CNTNAP5: variants seen among roughly 807,000 people sequenced by gnomAD.
CNTNAP5 encodes the protein contactin-associated protein-like 5.
CNTNAP5 carries 72 observed loss-of-function variants against 150.2 expected under a neutral mutation model. The observed-to-expected ratio is 0.48, with a 90% CI of 0.40 to 0.58. The LOEUF (loss-of-function observed/expected upper bound fraction) is 0.58. CNTNAP5 is among the 20% of genes least tolerant of loss of function. The pLI is 0.00. For synonymous variants in CNTNAP5, 672 were observed against 619.8 expected (o/e 1.08, Z -1.25); for missense variants, 1,636 against 1,626.2 (o/e 1.01, Z -0.10).
intron 3 of CNTNAP5, among the ~76,000 whole-genome samples, chr2:124,277,929 C>T (rs1573885994): frequency 6.6e-6 from 1 of 152,100 alleles, no homozygotes; most frequent in East Asian, 1.9e-4. Context: ...CCATAACTGC[C>T]CTTGTTACCT....
At chr2:124,422,501 G>A (rs1012702383) in intron 4 of CNTNAP5, among the ~76,000 whole-genome samples, 5 of 152,144 alleles carry the variant, frequency 3.3e-5, no homozygotes, top group African/African-American at 1.2e-4. Context: ...TCAGTTAACT[G>A]CGTGATTGTC....
At chr2:124,789,259 T>C (rs1054007665) in intron 17 of CNTNAP5, among the ~76,000 whole-genome samples, 4 of 152,186 alleles carry the variant, frequency 2.6e-5, no homozygotes, top group African/African-American at 9.6e-5. Flanking sequence ...AGAACTTTTT[T>C]TTTCACAAGA....
At chr2:124,122,732 C>T (rs952897699) in intron 1 of CNTNAP5, among the ~76,000 whole-genome samples, 1 of 149,776 alleles carries the variant, frequency 6.7e-6, no homozygotes, top group African/African-American at 2.5e-5. Context: ...TTTACAGATG[C>T]AAAACCAAAC....
chr2:124,240,322 G>T (rs1686853530), intron 2 of CNTNAP5, among the ~76,000 whole-genome samples: 1 of 152,102 alleles, frequency 6.6e-6, no homozygotes, highest in South Asian at 2.1e-4. Context: ...AGATCTTGTT[G>T]TCAGCTGCAT....
At chr2:124,441,382 G>GA (rs141098975) in intron 5 of CNTNAP5, among the ~76,000 whole-genome samples, 7,680 of 147,512 alleles carry the variant, frequency 0.052, 261 homozygotes, top group South Asian at 0.13. Context: ...ACACAGAAAA[G>GA]AAAAAAAAAA....
At chr2:124,641,898 T>C (rs1678101798) in intron 12 of CNTNAP5, among the ~76,000 whole-genome samples, 1 of 152,226 alleles carries the variant, frequency 6.6e-6, no homozygotes, top group Non-Finnish European at 1.5e-5. Context: ...TTGTGTCTCC[T>C]TTTTTACTTT....
At chr2:124,483,185 A>G (rs1693798628) in intron 7 of CNTNAP5, among the ~76,000 whole-genome samples, 1 of 152,172 alleles carries the variant, frequency 6.6e-6, no homozygotes, top group African/African-American at 2.4e-5. Context: ...AATGCTCAAA[A>G]TATTCACCAG....
At chr2:124,743,742 A>G (rs2105141104) in intron 13 of CNTNAP5, among the ~76,000 whole-genome samples, 1 of 152,216 alleles carries the variant, frequency 6.6e-6, no homozygotes, top group African/African-American at 2.4e-5. Context: ...CTATTCAAGA[A>G]CCTGATCAAT....
chr2:124,166,549 T>C (rs1174216197), intron 1 of CNTNAP5, among the ~76,000 whole-genome samples: 1 of 152,176 alleles, frequency 6.6e-6, no homozygotes, highest in Non-Finnish European at 1.5e-5. Flanking sequence ...TTATTGTCAA[T>C]TTTCTGTTAT....
chr2:124,633,796 C>T (rs1249378398), intron 12 of CNTNAP5, among the ~76,000 whole-genome samples: 1 of 152,194 alleles, frequency 6.6e-6, no homozygotes, highest in Non-Finnish European at 1.5e-5. Context: ...TCCCAAGCCT[C>T]AATTCTTGTA....
chr2:124,786,514 A>AGAAAGAAAGAAAGAGAAAGAAAG, intron 17 of CNTNAP5, among the ~76,000 whole-genome samples: 1 of 150,038 alleles, frequency 6.7e-6, no homozygotes, highest in African/African-American at 2.5e-5. Flanking sequence ...AGAAAAAGAA[A>AGAAAGAAAGAAAGAGAAAGAAAG]GAAAGAAAGA....
chr2:124,597,964 T>G (rs4505406), intron 11 of CNTNAP5, among the ~76,000 whole-genome samples: 21,448 of 90,178 alleles, frequency 0.24, 2,503 homozygotes, highest in East Asian at 0.54. Flanking sequence ...CATTCTTCAC[T>G]TAGTTCTCGA....
intron 4 of CNTNAP5, among the ~76,000 whole-genome samples, chr2:124,430,232 G>A (rs1480675474): frequency 1.3e-5 from 2 of 152,132 alleles, no homozygotes; most frequent in African/African-American, 4.8e-5. Context: ...GACTCAGCGT[G>A]GGTGGGTCAG....
At chr2:124,410,351 A>G (rs1351878617) in intron 3 of CNTNAP5, among the ~76,000 whole-genome samples, 1 of 151,886 alleles carries the variant, frequency 6.6e-6, no homozygotes, top group East Asian at 2.0e-4. Flanking sequence ...ATACCCAAGA[A>G]TTGAACTCAG....
chr2:124,605,102 T>C (rs1697071187), intron 11 of CNTNAP5, among the ~76,000 whole-genome samples: 1 of 152,084 alleles, frequency 6.6e-6, no homozygotes, highest in Non-Finnish European at 1.5e-5. Context: ...CCATGTAAAC[T>C]CCCCTGCTAC....
intron 6 of CNTNAP5, among the ~76,000 whole-genome samples, chr2:124,474,181 T>C (rs1693586172): frequency 6.6e-6 from 1 of 152,114 alleles, no homozygotes; most frequent in Non-Finnish European, 1.5e-5. Flanking sequence ...GCACCATTAT[T>C]GACAAGTGAA....
At chr2:124,564,905 G>T (rs146444661) in intron 11 of CNTNAP5, among the ~76,000 whole-genome samples, 6 of 152,170 alleles carry the variant, frequency 3.9e-5, no homozygotes, top group African/African-American at 1.2e-4. Flanking sequence ...TGCAGCCAAC[G>T]CCTGGAGCTC....
chr2:124,590,140 C>T (rs72845257), intron 11 of CNTNAP5, among the ~76,000 whole-genome samples: 3,731 of 152,146 alleles, frequency 0.025, 46 homozygotes, highest in Middle Eastern at 0.034. Context: ...AGATGCAGTC[C>T]CCTGGACCTT....
chr2:124,333,084 AG>A (rs1218499266), intron 3 of CNTNAP5, among the ~76,000 whole-genome samples: 35 of 152,252 alleles, frequency 2.3e-4, no homozygotes, highest in Admixed American at 1.8e-3. Flanking sequence ...TTTAATCATG[AG>A]GCAAGTAAAA....
Sources: gnomAD v4.1 joint callset for allele counts (sites outside exome capture counted in the v4.1 genomes callset) on GRCh38, gnomAD v4.1.1 for gene constraint, MANE v1.5 for transcripts, NCBI Gene and HGNC (gene_info 2026-07-23, HGNC 2026-07-21) for gene names.